The following AQP1 variants were observed in gnomAD, a reference collection of about 807,000 sequenced individuals.
AQP1 encodes the protein aquaporin-1.
Under a neutral mutation model 19.7 loss-of-function variants are expected in AQP1, and 11 were observed. The observed-to-expected ratio is 0.56, with a 90% CI of 0.35 to 0.92. The LOEUF is 0.92. Ranked by LOEUF, AQP1 falls within the 40% of genes least tolerant of loss-of-function variation. The pLI is 0.01. For synonymous variants in AQP1, 159 were observed against 166.7 expected, an observed-to-expected ratio of 0.95 and a Z score of 0.36; for missense variants, 320 against 369.7, an observed-to-expected ratio of 0.87 and a Z score of 1.10.
At chr7:30,921,403 A>T in intron 1 of AQP1, 1 of 1,416,512 alleles carries the variant, frequency 7.1e-7, no homozygotes. Flanking sequence ...GAGGAAGAAG[A>T]GAGAAGGAGA....
chr7:30,921,563 G>A (rs1791500276), intron 1 of AQP1: 10 of 1,543,938 alleles, frequency 6.5e-6, no homozygotes, highest in Non-Finnish European at 8.8e-6. Flanking sequence ...CTCACCGAAG[G>A]CCTCCTCAGC....
In AQP1 at chr7:30,923,979, A is replaced by G; in HGVS notation, c.*350A>G. Reference sequence around the variant, plus strand: ...TCGCCCCAAAGTTGCTCACCGACTCACCTGCGCAAGTGCCTGGGATTCTAC... The same window carrying G: ...TCGCCCCAAAGTTGCTCACCGACTCGCCTGCGCAAGTGCCTGGGATTCTAC... On this transcript the variant is annotated 3_prime_UTR_variant, in exon 4 of 4. Transcript: ENST00000311813. The surrounding 1 kb of genome is among the most constrained non-coding windows in gnomAD (Gnocchi z 4.8). 1 of 1,388,166 alleles carries G rather than the reference A, an allele frequency of 7.2e-7. No individual in the cohort carries two copies. The highest frequency in any genetic ancestry group is 9.6e-7 in the Non-Finnish European group (1 of 1,046,728). 86.0% of individuals were successfully genotyped at this position (1,388,166 alleles called of 1,614,324 possible). A position where few individuals can be genotyped will look rare whatever the true frequency, so the allele number is the denominator to read the frequency against.
At chr7:30,916,690 C>G (rs1256950583) in intron 1 of AQP1, among the ~76,000 whole-genome samples, 1 of 152,184 alleles carries the variant, frequency 6.6e-6, no homozygotes, top group Admixed American at 6.5e-5. Flanking sequence ...CGGAAAATGC[C>G]CCCGGCCCTT....
intron 1 of AQP1, among the ~76,000 whole-genome samples, chr7:30,920,327 G>A (rs908889961): frequency 6.6e-6 from 1 of 152,194 alleles, no homozygotes; most frequent in Non-Finnish European, 1.5e-5. Context: ...CAGAGGGACA[G>A]GGGCCTCACA....
rs560055289 is a variant in AQP1, at chr7:30,919,384, T to TA, written c.385-2681dup. ...GGTGGGGTCTGAACTGGGCCTTGAG[T>TA]AGTGGGCTTACAAGGGCTTAGCACA... On this transcript the variant is annotated intron_variant, in intron 1 of 3. Coordinates refer to ENST00000311813, the MANE Select transcript of AQP1 (RefSeq NM_198098.4). Among the ~76,000 whole-genome samples, 90 of 152,218 alleles carry TA rather than the reference T, an allele frequency of 5.9e-4. 2 individuals carry two copies. The South Asian group carries it at 0.019, about 32-fold the overall frequency.
chr7:30,921,362 G>C, intron 1 of AQP1: 1 of 1,383,768 alleles, frequency 7.2e-7, no homozygotes, highest in East Asian at 2.6e-5. Context: ...TGGCCAGGCA[G>C]AGGGAGGGTG....
intron 1 of AQP1, among the ~76,000 whole-genome samples, chr7:30,916,660 TA>T (rs1562578050): frequency 6.6e-6 from 1 of 152,090 alleles, no homozygotes; most frequent in East Asian, 1.9e-4. Context: ...ATCTCCAACT[TA>T]AAAGATATCC....
intron 2 of AQP1, 33 bp from the exon 3 acceptor site, chr7:30,922,531 C>T: frequency 6.3e-7 from 1 of 1,590,474 alleles, no homozygotes; most frequent in Non-Finnish European, 8.6e-7. Flanking sequence ...GACTCTCTGC[C>T]TTCGCCCCTC....
In AQP1 at chr7:30,912,349, G is replaced by C; in HGVS notation, c.384+56G>C. On this transcript the variant is annotated intron_variant, in intron 1 of 3. Coordinates refer to ENST00000311813, the MANE Select transcript of AQP1 (RefSeq NM_198098.4). This position sits in a 1 kb window ranked among gnomAD's most constrained non-coding sequence, Gnocchi z 4.3. ...TTCTAGAATGATGCTGAAAGGCACTGGTTCCATCCTCTGCCCATTGTGCAG... is the reference window on the plus strand; with the variant it reads ...TTCTAGAATGATGCTGAAAGGCACTCGTTCCATCCTCTGCCCATTGTGCAG... The C allele has an allele frequency of 6.3e-7, 1 of 1,578,798 alleles. No homozygotes were observed. Among genetic ancestry groups the C allele is most frequent in the Non-Finnish European group, 8.6e-7 (1 of 1,167,138 alleles).
chr7:30,923,520 G>T lies in AQP1; in HGVS notation c.701G>T (p.Arg234Leu). The change falls in exon 4 of 4, where the codon CGC becomes CTC. Residue 234 changes from arginine (R) to leucine (L), a missense_variant. Physicochemically the swap from Arg to Leu is moderately radical, Grantham distance 102. Transcript: ENST00000311813. This position sits in a 1 kb window ranked among gnomAD's most constrained non-coding sequence, Gnocchi z 4.8. ...ATCTACGACTTCATCCTGGCCCCAC[G>T]CAGCAGTGACCTCACAGACCGCGTG... ...VLIYDFILAP[R>L]SSDLTDRVKV... is the part of the protein sequence containing the mutation. The T allele has an allele frequency of 6.2e-7, 1 of 1,614,162 alleles. No homozygotes were observed. The highest frequency in any genetic ancestry group is 8.5e-7 in the Non-Finnish European group (1 of 1,180,032).
At chr7:30,915,844 C>T (rs1250724288) in intron 1 of AQP1, among the ~76,000 whole-genome samples, 1 of 152,154 alleles carries the variant, frequency 6.6e-6, no homozygotes, top group East Asian at 1.9e-4. Flanking sequence ...CCAGTTCTCC[C>T]GGGGGTGCTG....
intron 1 of AQP1, chr7:30,921,668 T>A: frequency 2.6e-6 from 4 of 1,550,960 alleles, no homozygotes; most frequent in Non-Finnish European, 3.5e-6. Flanking sequence ...CCTTTTTGCA[T>A]CTCTTCTCCT....
At position 30,924,112 on chromosome 7, in the gene AQP1, G is replaced by C. The variant is rs1238353992; in HGVS notation, c.*483G>C. 1 of 1,195,156 alleles carries C rather than the reference G, an allele frequency of 8.4e-7. No individual in the cohort carries two copies. Among genetic ancestry groups the C allele is most frequent in the Non-Finnish European group, 1.1e-6 (1 of 944,534 alleles). The allele number at this position is 1,195,156 out of a possible 1,614,324, so 74.0% of individuals were successfully genotyped here. A position where few individuals can be genotyped will look rare whatever the true frequency, so the allele number is the denominator to read the frequency against. On this transcript the variant is annotated 3_prime_UTR_variant, in exon 4 of 4. Coordinates refer to ENST00000311813, the MANE Select transcript of AQP1 (RefSeq NM_198098.4). ...GAGATCCCAGGAGGTGCAGTGGAGG[G>C]GGCAAGCTTTGCTCCTTCAGTTCTG...
Position 30,923,353 on chromosome 7 carries a change from A to C in AQP1, c.631-97A>C. The C allele has an allele frequency of 1.3e-6, 2 of 1,588,086 alleles. No individual in the cohort carries two copies. The highest frequency in any genetic ancestry group is 1.7e-6 in the Non-Finnish European group (2 of 1,167,112). ...CCTGCCTCCATCCCAGGTGGGAAAA[A>C]CCTGTCCAACGGGGTGGTGGGCTGT... On this transcript the variant is annotated intron_variant, in intron 3 of 3. Transcript: ENST00000311813. The surrounding 1 kb of genome is among the most constrained non-coding windows in gnomAD (Gnocchi z 4.8).
rs35115273 is a variant in AQP1, at chr7:30,912,063, G to C, written c.154G>C (p.Val52Leu). The C allele has an allele frequency of 3.8e-5, 61 of 1,613,454 alleles. No individual in the cohort carries two copies. In the African/African-American group the frequency reaches 6.3e-4, roughly 17 times the overall value. Residue 52 changes from valine to leucine, a missense_variant, in exon 1 of 4, where the codon GTG (valine) becomes CTG (leucine). Transcript: ENST00000311813. This position sits in a 1 kb window ranked among gnomAD's most constrained non-coding sequence, Gnocchi z 4.3. ...NQTAVQDNVKVSLAFGLSIAT... is the reference protein window; with the variant it reads ...NQTAVQDNVKLSLAFGLSIAT... ...GACGGCGGTCCAGGACAACGTGAAG[G>C]TGTCGCTGGCCTTCGGGCTGAGCAT... is the stretch of plus-strand genomic sequence containing the variant.
At chr7:30,919,115 G>A (rs1213038508) in intron 1 of AQP1, among the ~76,000 whole-genome samples, 1 of 152,200 alleles carries the variant, frequency 6.6e-6, no homozygotes, top group Non-Finnish European at 1.5e-5. Flanking sequence ...GGGAGTTCTA[G>A]AAAATTAGCA....
In AQP1 at chr7:30,925,498, G is replaced by A. The variant is rs1017532462; in HGVS notation, c.*1869G>A. ...TTCATTATATGTTAAGAAAATAAAGGAAAATGACTTGTAAGGTCCTTCAGG... is the reference window on the plus strand; with the variant it reads ...TTCATTATATGTTAAGAAAATAAAGAAAAATGACTTGTAAGGTCCTTCAGG... On this transcript the variant is annotated 3_prime_UTR_variant, in exon 4 of 4. Coordinates refer to ENST00000311813, the MANE Select transcript of AQP1 (RefSeq NM_198098.4). 6.6e-6 allele frequency: 1 copy of A among 152,248 alleles called. No homozygotes were observed. The highest frequency in any genetic ancestry group is 2.4e-5 in the African/African-American group (1 of 41,456). 9.4% of individuals were successfully genotyped at this position (152,248 alleles called of 1,614,324 possible).
intron 1 of AQP1, 126 bp from the exon 2 acceptor site, chr7:30,921,940 T>C (rs1791513525): frequency 6.4e-7 from 1 of 1,550,570 alleles, no homozygotes; most frequent in Non-Finnish European, 8.8e-7. Flanking sequence ...TGTGATGGGC[T>C]CTGAAGGCCC....
chr7:30,918,698 C>A (rs564097139), intron 1 of AQP1, among the ~76,000 whole-genome samples: 1 of 152,208 alleles, frequency 6.6e-6, no homozygotes. Context: ...GGAAGCCACC[C>A]TGGTTGGCCT....
Sources: allele counts gnomAD v4.1 joint callset (sites outside exome capture counted in the v4.1 genomes callset), GRCh38; gene constraint gnomAD v4.1.1; non-coding constraint Gnocchi (gnomAD v3.1); transcripts MANE v1.5; gene names NCBI Gene and HGNC (gene_info 2026-07-23, HGNC 2026-07-21).